RAB3GAP1: variants seen among roughly 807,000 people sequenced by gnomAD.
The protein encoded by RAB3GAP1 is rab3 GTPase-activating protein catalytic subunit.
Under a neutral mutation model 130.7 loss-of-function variants are expected in RAB3GAP1, and 86 were observed. The observed-to-expected ratio is 0.66, with a 90% confidence interval of 0.55 to 0.79. The LOEUF (loss-of-function observed/expected upper bound fraction) is 0.79. RAB3GAP1 is among the 30% of genes least tolerant of loss of function. RAB3GAP1 has a pLI of 0.00. For missense variants in RAB3GAP1, 1,029 were observed against 1,169.4 expected (o/e 0.88, Z 1.75); for synonymous variants, 367 against 401.7 (o/e 0.91, Z 1.03).
chr2:135,168,492 T>C, intron 23 of RAB3GAP1, 53 bp from the exon 24 acceptor site: 1 of 1,387,436 alleles, frequency 7.2e-7, no homozygotes. Context: ...TTCAAAAGCA[T>C]CTGAGTTTAG....
At chr2:135,122,214 C>T (rs1227074516) in intron 8 of RAB3GAP1, among the ~76,000 whole-genome samples, 1 of 152,014 alleles carries the variant, frequency 6.6e-6, no homozygotes, top group East Asian at 1.9e-4. Context: ...CTAAAAGGAC[C>T]GTATCTAGAC....
At chr2:135,088,465 G>T (rs1045314743) in intron 3 of RAB3GAP1, among the ~76,000 whole-genome samples, 1 of 151,954 alleles carries the variant, frequency 6.6e-6, no homozygotes, top group South Asian at 2.1e-4. Flanking sequence ...GAGGTGGGCA[G>T]ATGACTTGAG....
intron 5 of RAB3GAP1, among the ~76,000 whole-genome samples, chr2:135,095,073 G>A (rs919414409): frequency 3.3e-5 from 5 of 152,008 alleles, no homozygotes; most frequent in Non-Finnish European, 7.4e-5. Context: ...TTGTGAAACA[G>A]AGTCTCACTC....
At chr2:135,124,009 T>G (rs1691273637) in intron 8 of RAB3GAP1, 156 bp from the exon 9 acceptor site, 2 of 640,728 alleles carry the variant, frequency 3.1e-6, no homozygotes, top group East Asian at 5.5e-5. Flanking sequence ...TCAAATATTG[T>G]TAGACTACAT....
Position 135,113,235 on chromosome 2 carries a change from G to A in RAB3GAP1, c.447G>A (p.Leu149=). 1 of 1,614,154 alleles carries A rather than the reference G, an allele frequency of 6.2e-7. No homozygotes were observed. The highest frequency in any genetic ancestry group is 2.2e-5 in the East Asian group (1 of 44,886). ...VLSESKCNLL[L]SSVSIALGNT... is the part of the protein sequence containing the mutation. Reference sequence around the variant, plus strand: ...GCGAATCTAAGTGCAACCTTCTTCTGAGTTCTGTTTCTATTGCCTTGGGAA... The same window carrying A: ...GCGAATCTAAGTGCAACCTTCTTCTAAGTTCTGTTTCTATTGCCTTGGGAA... Residue 149 remains leucine (L), a synonymous_variant, in exon 6 of 24, where the codon CTG becomes CTA. Transcript: ENST00000264158.
Position 135,091,091 on chromosome 2 carries a change from G to A in RAB3GAP1, c.244G>A (p.Glu82Lys), listed in dbSNP as rs985660980. 1.2e-6 allele frequency: 2 copies of A among 1,600,862 alleles called. No homozygotes were observed. The highest frequency in any genetic ancestry group is 2.2e-5 in the East Asian group (1 of 44,652). ...FSVTHHYLVQESTDKEGKDEL... is the reference protein window; with the variant it reads ...FSVTHHYLVQKSTDKEGKDEL... ...AGTCACTCATCATTATCTTGTACAA[G>A]AGTCCACTGATAAAGAAGGAAAGGA... Residue 82 changes from glutamate to lysine, a missense_variant, in exon 4 of 24, where the codon GAG becomes AAG. This residue lies in a region of RAB3GAP1 where 510 missense variants were observed against 532.1 expected (regional missense o/e 0.96). Transcript: ENST00000264158.
intron 3 of RAB3GAP1, among the ~76,000 whole-genome samples, chr2:135,061,317 A>C (rs1689165346): frequency 6.6e-6 from 1 of 152,188 alleles, no homozygotes; most frequent in African/African-American, 2.4e-5. Context: ...GATTGGAATC[A>C]CTGGGTAATA....
At chr2:135,059,209 C>T (rs1339503147) in intron 3 of RAB3GAP1, 1 of 152,114 alleles carries the variant, frequency 6.6e-6, no homozygotes, top group East Asian at 1.9e-4. Flanking sequence ...AAACACGGGT[C>T]ATTCTACTCC....
intron 3 of RAB3GAP1, among the ~76,000 whole-genome samples, chr2:135,085,334 T>A (rs764439422): frequency 6.6e-6 from 1 of 152,206 alleles, no homozygotes; most frequent in Non-Finnish European, 1.5e-5. Context: ...TATAATCAGA[T>A]TTTTACTGAT....
At chr2:135,141,065 ATCT>A (rs1338001529) in intron 17 of RAB3GAP1, among the ~76,000 whole-genome samples, 2 of 150,250 alleles carry the variant, frequency 1.3e-5, no homozygotes, top group Non-Finnish European at 3.0e-5. Context: ...CCATTTGTCT[ATCT>A]TCTTGGTGAA....
rs114898720 is a variant in RAB3GAP1 at position 135,102,985 on chromosome 2, C to T, written c.362+9292C>T. ...AGTCAAGATCGCACACCAGACTGGG[C>T]GACAGTGCGAGACTCCGTCTGAAAA... On this transcript the variant is annotated intron_variant, in intron 5 of 23. Coordinates refer to ENST00000264158, the MANE Select transcript of RAB3GAP1 (RefSeq NM_012233.3). Among the ~76,000 whole-genome samples the T allele has an allele frequency of 7.2e-3, 882 of 121,726 alleles. 10 individuals are homozygous for T. The highest frequency in any genetic ancestry group is 0.029 in the African/African-American group (824 of 28,576). The allele number at this position is 121,726 out of a possible 152,430, so 79.9% of individuals were successfully genotyped here.
At chr2:135,144,189 G>A (rs1691930194) in intron 17 of RAB3GAP1, among the ~76,000 whole-genome samples, 1 of 152,206 alleles carries the variant, frequency 6.6e-6, no homozygotes, top group African/African-American at 2.4e-5. Context: ...TGGGTCCCGA[G>A]TTCTTGTCCC....
intron 18 of RAB3GAP1, 131 bp downstream of exon 18, chr2:135,150,637 CA>C: frequency 8.6e-7 from 1 of 1,159,370 alleles, no homozygotes; most frequent in East Asian, 2.5e-5. Flanking sequence ...ATTAGTAGTT[CA>C]ACACTCTGCC....
chr2:135,099,849 A>G (rs1171565495), intron 5 of RAB3GAP1, among the ~76,000 whole-genome samples: 1 of 152,036 alleles, frequency 6.6e-6, no homozygotes, highest in African/African-American at 2.4e-5. Flanking sequence ...AGTGATTTGG[A>G]TTGATGGAGT....
At chr2:135,058,250 C>T (rs1417746071) in intron 3 of RAB3GAP1, 164 bp downstream of exon 3, 12 of 650,364 alleles carry the variant, frequency 1.8e-5, no homozygotes, top group Non-Finnish European at 3.3e-5. Flanking sequence ...AAATCTGTGG[C>T]AAATGATATA....
intron 3 of RAB3GAP1, among the ~76,000 whole-genome samples, chr2:135,069,346 A>G (rs1459013932): frequency 1.3e-5 from 2 of 152,190 alleles, no homozygotes; most frequent in Non-Finnish European, 2.9e-5. Flanking sequence ...ATGGTCTTGT[A>G]CCTTTTAAAA....
intron 3 of RAB3GAP1, among the ~76,000 whole-genome samples, chr2:135,090,419 C>G (rs931065622): frequency 2.6e-5 from 4 of 152,016 alleles, no homozygotes; most frequent in Admixed American, 6.6e-5. Flanking sequence ...GTTTACCTCT[C>G]CATTGGAAAA....
intron 3 of RAB3GAP1, among the ~76,000 whole-genome samples, chr2:135,074,814 G>A (rs1397187806): frequency 2.0e-5 from 3 of 152,202 alleles, no homozygotes; most frequent in African/African-American, 4.8e-5. Context: ...ACGAAGATAC[G>A]ATACTGGCAG....
chr2:135,120,254 T>G (rs943207754), intron 7 of RAB3GAP1, among the ~76,000 whole-genome samples: 2 of 152,260 alleles, frequency 1.3e-5, no homozygotes, highest in African/African-American at 2.4e-5. Flanking sequence ...AGCATTTTGC[T>G]TAATAGAATG....
Sources: gnomAD v4.1 joint callset for allele counts (sites outside exome capture counted in the v4.1 genomes callset) on GRCh38, gnomAD v4.1.1 for gene constraint, gnomAD v4.1.1 regional missense constraint, MANE v1.5 for transcripts, NCBI Gene and HGNC (gene_info 2026-07-23, HGNC 2026-07-21) for gene names.